The following FHIT variants were observed in gnomAD, a reference collection of about 807,000 sequenced individuals.
FHIT encodes bis(5'-adenosyl)-triphosphatase.
FHIT carries 19 observed loss-of-function variants against 17.9 expected under a neutral mutation model. The ratio of observed to expected loss-of-function variants is 1.06; its 90% CI spans 0.74 to 1.56. The LOEUF (loss-of-function observed/expected upper bound fraction) is 1.56. Among genes scored for constraint, FHIT ranks in the 40% most tolerant of loss-of-function variants. FHIT has a pLI of 0.00. For missense variants in FHIT, 248 were observed against 189.2 expected, an observed-to-expected ratio of 1.31 and a Z score of -1.82; for synonymous variants, 81 against 69.7, an observed-to-expected ratio of 1.16 and a Z score of -0.81.
chr3:60,079,085 G>A (rs1016861860), intron 5 of FHIT, among the ~76,000 whole-genome samples: 1 of 152,072 alleles, frequency 6.6e-6, no homozygotes, highest in Non-Finnish European at 1.5e-5. Flanking sequence ...TGATCGGGGT[G>A]GACAAACAAG....
At chr3:60,133,693 G>A (rs1249785371) in intron 5 of FHIT, among the ~76,000 whole-genome samples, 1 of 151,702 alleles carries the variant, frequency 6.6e-6, no homozygotes, top group African/African-American at 2.4e-5. Context: ...TTCACATACT[G>A]GGCAGAGCCC....
At chr3:60,569,755 ATTT>A (rs1553654909) in intron 4 of FHIT, among the ~76,000 whole-genome samples, 50 of 77,340 alleles carry the variant, frequency 6.5e-4, no homozygotes, top group Middle Eastern at 8.8e-3. Flanking sequence ...ATATATATAT[ATTT>A]TTTTTTTTTT....
intron 5 of FHIT, among the ~76,000 whole-genome samples, chr3:60,331,860 A>G (rs1377962745): frequency 4.0e-5 from 6 of 151,370 alleles, no homozygotes; most frequent in African/African-American, 9.7e-5. Context: ...AAAAAAAAAA[A>G]AGAGAGAAAA....
chr3:60,447,840 G>C (rs1019370208), intron 5 of FHIT, among the ~76,000 whole-genome samples: 1 of 152,134 alleles, frequency 6.6e-6, no homozygotes, highest in African/African-American at 2.4e-5. Context: ...TAGTGTCCTA[G>C]ATGAAGACGT....
At chr3:60,190,028 G>T (rs1702332144) in intron 5 of FHIT, among the ~76,000 whole-genome samples, 1 of 152,152 alleles carries the variant, frequency 6.6e-6, no homozygotes, top group South Asian at 2.1e-4. Flanking sequence ...CTTCCATTCA[G>T]CTTTGAAACA....
intron 1 of FHIT, among the ~76,000 whole-genome samples, chr3:61,202,474 G>C (rs1380547236): frequency 5.3e-5 from 8 of 149,820 alleles, no homozygotes; most frequent in Admixed American, 4.7e-4. Context: ...TCTTCCCCAA[G>C]TTTGCATTTT....
At chr3:59,839,062 A>G (rs6806145) in intron 8 of FHIT, among the ~76,000 whole-genome samples, 11 of 152,276 alleles carry the variant, frequency 7.2e-5, no homozygotes, top group Non-Finnish European at 1.0e-4. Flanking sequence ...CATGTCCCCA[A>G]TCCCAGCATT....
chr3:60,216,233 T>C (rs1703691567), intron 5 of FHIT, among the ~76,000 whole-genome samples: 1 of 152,198 alleles, frequency 6.6e-6, no homozygotes, highest in South Asian at 2.1e-4. Context: ...ATATAGAAAC[T>C]GTGACAATTT....
At chr3:59,804,834 G>A (rs1700132287) in intron 8 of FHIT, among the ~76,000 whole-genome samples, 1 of 152,174 alleles carries the variant, frequency 6.6e-6, no homozygotes, top group Non-Finnish European at 1.5e-5. Flanking sequence ...GATCTCTGGA[G>A]CTGCCCCACG....
rs868780637 is a variant in FHIT at position 60,443,076 on chromosome 3, T to C, written c.103+93784A>G. Among the ~76,000 whole-genome samples, 15 of 152,050 alleles carry C rather than the reference T, an allele frequency of 9.9e-5. 1 individual carries two copies. The highest frequency in any genetic ancestry group is 3.1e-4 in the African/African-American group (13 of 41,334). On this transcript the variant is annotated intron_variant, in intron 5 of 9. Coordinates refer to ENST00000492590, the MANE Select transcript of FHIT (RefSeq NM_002012.4). The stretch of plus-strand genomic sequence containing the variant: ...CACTCATGATTTGGCTCTCTGTTTA[T>C]CTGTTACTGGTGTATAAGAATGCTT...
At chr3:60,191,994 C>G (rs930248284) in intron 5 of FHIT, among the ~76,000 whole-genome samples, 4 of 151,956 alleles carry the variant, frequency 2.6e-5, no homozygotes, top group African/African-American at 9.7e-5. Context: ...CACCTGTAAT[C>G]CCAGCACTGA....
intron 5 of FHIT, among the ~76,000 whole-genome samples, chr3:60,022,652 C>T (rs555455970): frequency 6.6e-6 from 1 of 152,256 alleles, no homozygotes; most frequent in African/African-American, 2.4e-5. Context: ...CCCCAACCAA[C>T]TTGTAGTAGC....
chr3:61,234,207 C>A (rs1306432561), intron 1 of FHIT, among the ~76,000 whole-genome samples: 2 of 152,150 alleles, frequency 1.3e-5, no homozygotes, highest in African/African-American at 4.8e-5. Context: ...CATAGGGGAG[C>A]ACTGCTTGCT....
intron 5 of FHIT, among the ~76,000 whole-genome samples, chr3:60,080,278 G>A (rs1182023430): frequency 1.3e-5 from 2 of 152,100 alleles, no homozygotes; most frequent in African/African-American, 2.4e-5. Context: ...TTGCGATTCA[G>A]GGTTGTGCTT....
chr3:60,999,727 G>T (rs933095698), intron 3 of FHIT, among the ~76,000 whole-genome samples: 19 of 152,062 alleles, frequency 1.2e-4, no homozygotes, highest in African/African-American at 4.6e-4. Flanking sequence ...CAGGTGAGCT[G>T]AAGGAGAAGT....
At chr3:60,815,535 A>T (rs1553737393) in intron 4 of FHIT, among the ~76,000 whole-genome samples, 2 of 152,084 alleles carry the variant, frequency 1.3e-5, no homozygotes, top group Admixed American at 6.5e-5. Flanking sequence ...TGAAGATCAG[A>T]TGGTTGTAAG....
chr3:59,917,600 T>A lies in FHIT; in HGVS notation c.348+4746A>T, dbSNP rs536860489. Reference sequence around the variant, plus strand: ...ATAATTCATGAAAATTTAAAGAACATAGATGTAGAAAGAGTTTGGGAGCTA... The same window carrying A: ...ATAATTCATGAAAATTTAAAGAACAAAGATGTAGAAAGAGTTTGGGAGCTA... On this transcript the variant is annotated intron_variant, in intron 8 of 9. Transcript: ENST00000492590. Among the ~76,000 whole-genome samples the A allele has an allele frequency of 4.6e-4, 70 of 152,202 alleles. No individual in the cohort carries two copies. The South Asian group carries it at 0.014, about 29-fold the overall frequency.
At chr3:60,306,123 A>G (rs1371311142) in intron 5 of FHIT, among the ~76,000 whole-genome samples, 1 of 152,130 alleles carries the variant, frequency 6.6e-6, no homozygotes, top group Non-Finnish European at 1.5e-5. Flanking sequence ...TAAAGCGTAA[A>G]AGTCTAAGAC....
intron 8 of FHIT, among the ~76,000 whole-genome samples, chr3:59,864,781 T>A (rs1284126587): frequency 1.3e-5 from 2 of 151,114 alleles, no homozygotes; most frequent in East Asian, 1.9e-4. Flanking sequence ...GCATTCAGAC[T>A]TAACCCTTTC....
Sources: allele counts gnomAD v4.1 joint callset (sites outside exome capture counted in the v4.1 genomes callset), GRCh38; gene constraint gnomAD v4.1.1; transcripts MANE v1.5; gene names NCBI Gene and HGNC (gene_info 2026-07-23, HGNC 2026-07-21).